Variants in CACNA1E observed in about 807,000 individuals in gnomAD.
CACNA1E encodes the protein voltage-dependent R-type calcium channel subunit alpha-1E.
CACNA1E carries 40 observed loss-of-function variants against 259.2 expected under a neutral mutation model. The ratio of observed to expected loss-of-function variants is 0.15; its 90% CI spans 0.12 to 0.20. The LOEUF is 0.20. Ranked by LOEUF, CACNA1E falls within the 10% of genes least tolerant of loss-of-function variation. The pLI, the probability that CACNA1E is intolerant of heterozygous loss-of-function variation, is 1.00. For missense variants in CACNA1E, 1,874 were observed against 3,040.1 expected, an observed-to-expected ratio of 0.62 and a Z score of 9.02; for synonymous variants, 1,104 against 1,138.5, an observed-to-expected ratio of 0.97 and a Z score of 0.61.
At chr1:181,782,087 A>T (rs1415998555) in intron 39 of CACNA1E, among the ~76,000 whole-genome samples, 2 of 152,248 alleles carry the variant, frequency 1.3e-5, no homozygotes, top group African/African-American at 4.8e-5. Flanking sequence ...TCTAGGTGTA[A>T]GAAGAAAAGA....
At chr1:181,784,975 C>T (rs1211764855) in intron 41 of CACNA1E, among the ~76,000 whole-genome samples, 1 of 152,166 alleles carries the variant, frequency 6.6e-6, no homozygotes, top group African/African-American at 2.4e-5. Context: ...TAGCTCTCTC[C>T]CTCCATATAA....
At chr1:181,602,517 G>T (rs374655165) in intron 6 of CACNA1E, among the ~76,000 whole-genome samples, 10 of 152,144 alleles carry the variant, frequency 6.6e-5, no homozygotes, top group East Asian at 5.8e-4. Flanking sequence ...TTTTGGATTT[G>T]GGATGCTCAA....
chr1:181,368,298 A>T (rs1654432846), intron 1 of CACNA1E, among the ~76,000 whole-genome samples: 1 of 151,940 alleles, frequency 6.6e-6, no homozygotes, highest in Non-Finnish European at 1.5e-5. Context: ...AAAAAAAAAA[A>T]ATACATCGCA....
intron 3 of CACNA1E, among the ~76,000 whole-genome samples, chr1:181,521,812 G>C (rs1667013788): frequency 6.6e-6 from 1 of 152,112 alleles, no homozygotes; most frequent in Admixed American, 6.5e-5. Flanking sequence ...GAGGGAAGGG[G>C]ACAGGATGAG....
intron 3 of CACNA1E, among the ~76,000 whole-genome samples, chr1:181,516,923 G>A (rs797013019): frequency 2.7e-5 from 4 of 149,500 alleles, no homozygotes; most frequent in African/African-American, 9.8e-5. Context: ...TAGACTCTGG[G>A]GAGGGGCAGG....
rs567832796 is a variant in CACNA1E at position 181,369,483 on chromosome 1, T to C, written c.-14-43650T>C. Among the ~76,000 whole-genome samples the C allele has an allele frequency of 3.7e-4, 56 of 152,320 alleles. 1 individual carries two copies. The highest frequency in any genetic ancestry group is 2.2e-3 in the Admixed American group (34 of 15,308). On this transcript the variant is annotated intron_variant, in intron 1 of 11. Transcript: ENST00000524607. ...CAAAAGGCAACATCACAGAGCTTTCTCTCGAGTGAATTTGTAGAATGAAAG... is the reference window on the plus strand; with the variant it reads ...CAAAAGGCAACATCACAGAGCTTTCCCTCGAGTGAATTTGTAGAATGAAAG...
Position 181,804,782 on chromosome 1 carries a change from A to C in CACNA1E, c.*5948A>C, listed in dbSNP as rs920217145. On this transcript the variant is annotated 3_prime_UTR_variant, in exon 48 of 48. Transcript: ENST00000367573. ...CTTCACTTGTTAGATCCCATGAAGT[A>C]CCTATGAAATTCTCAGCATTGCTAT... is the stretch of plus-strand genomic sequence containing the variant. 6.6e-6 allele frequency: 1 copy of C among 152,106 alleles called. No homozygotes were observed. The highest frequency in any genetic ancestry group is 6.5e-5 in the Admixed American group (1 of 15,276). 9.4% of individuals were successfully genotyped at this position (152,106 alleles called of 1,614,324 possible).
chr1:181,417,143 A>C lies in CACNA1E; in HGVS notation c.434+3563A>C, dbSNP rs73046143. Among the ~76,000 whole-genome samples, 1,092 of 151,986 alleles carry C rather than the reference A, an allele frequency of 7.2e-3. 12 individuals are homozygous for C. The highest frequency in any genetic ancestry group is 0.025 in the African/African-American group (1,053 of 41,418). On this transcript the variant is annotated intron_variant, in intron 2 of 11. Transcript: ENST00000524607. ...CTCCCTCTAGTGCTCAGTTCCCAAG[A>C]TTCTTTAATCTTACTGCATCCACAA...
Position 181,798,711 on chromosome 1 carries a change from G to A in CACNA1E, c.6819G>A (p.Arg2273=). Residue 2273 remains arginine, a synonymous_variant, in exon 48 of 48, where the codon CGG becomes CGA. Coordinates refer to ENST00000367573, the MANE Select transcript of CACNA1E (RefSeq NM_001205293.3). This position sits in a 1 kb window ranked among gnomAD's most constrained non-coding sequence, Gnocchi z 4.2. The stretch of plus-strand genomic sequence containing the variant: ...CCATCGGCTCAGCCCCACCCCTGCG[G>A]CATAGCTGGCAGATGCCCAACGGGC... ...SNTIGSAPPL[R]HSWQMPNGHY... is the part of the protein sequence containing the mutation. 2 of 1,608,548 alleles carry A rather than the reference G, an allele frequency of 1.2e-6. No homozygotes were observed. Among genetic ancestry groups the A allele is most frequent in the East Asian group, 2.2e-5 (1 of 44,730 alleles).
At chr1:181,494,794 C>G (rs920290155) in intron 1 of CACNA1E, among the ~76,000 whole-genome samples, 1 of 152,090 alleles carries the variant, frequency 6.6e-6, no homozygotes. Context: ...ATGTCATCTG[C>G]AGATTTATAA....
At chr1:181,738,018 G>A (rs905679393) in intron 23 of CACNA1E, among the ~76,000 whole-genome samples, 1 of 152,220 alleles carries the variant, frequency 6.6e-6, no homozygotes, top group African/African-American at 2.4e-5. Flanking sequence ...CAGGAGACAT[G>A]AGGGACGCGA....
chr1:181,802,838 G>A lies in CACNA1E; in HGVS notation c.*4004G>A, dbSNP rs1662374420. ...CATCCTACTTCTCAGCCCTCTGGAT[G>A]TTTCATTTTTTTGGACAAAGTGTTT... On this transcript the variant is annotated 3_prime_UTR_variant, in exon 48 of 48. Coordinates refer to ENST00000367573, the MANE Select transcript of CACNA1E (RefSeq NM_001205293.3). 1 of 152,158 alleles carries A rather than the reference G, an allele frequency of 6.6e-6. No individual in the cohort carries two copies. The allele number at this position is 152,158 out of a possible 1,614,324, so 9.4% of individuals were successfully genotyped here.
At position 181,793,781 on chromosome 1, in the gene CACNA1E, T is replaced by C. The variant is rs1256131268; in HGVS notation, c.6015T>C (p.Thr2005=). 6.2e-7 allele frequency: 1 copy of C among 1,611,488 alleles called. No homozygotes were observed. The highest frequency in any genetic ancestry group is 1.7e-5 in the Admixed American group (1 of 59,822). ...GGGCATCTTCTATGCCACGTCTGAC[T>C]GTGGATCCCCAGGTAAAAAGCAACC... ...SGRASSMPRL[T]VDPQVVTDPS... The change falls in exon 45 of 48, where the codon ACT becomes ACC. Residue 2005 remains threonine (T), a synonymous_variant. Coordinates refer to ENST00000367573, the MANE Select transcript of CACNA1E (RefSeq NM_001205293.3).
chr1:181,796,532 G>T (rs1572917767), intron 46 of CACNA1E, 136 bp from the exon 47 acceptor site: 4 of 561,464 alleles, frequency 7.1e-6, no homozygotes, highest in East Asian at 6.2e-5. Context: ...ATTTGAATTT[G>T]GGGGGGGACA....
intron 1 of CACNA1E, among the ~76,000 whole-genome samples, chr1:181,508,147 T>TGTG (rs1665867492): frequency 2.5e-4 from 37 of 148,852 alleles, no homozygotes; most frequent in Non-Finnish European, 4.3e-4. Flanking sequence ...CCCAAACGCC[T>TGTG]TGTGTGTGTG....
At chr1:181,423,996 G>A (rs1325663889) in intron 2 of CACNA1E, among the ~76,000 whole-genome samples, 1 of 152,168 alleles carries the variant, frequency 6.6e-6, no homozygotes, top group Non-Finnish European at 1.5e-5. Context: ...TGGTCCTGAA[G>A]GCACCTGAGT....
chr1:181,357,364 T>C (rs143902236), intron 1 of CACNA1E, among the ~76,000 whole-genome samples: 1 of 152,330 alleles, frequency 6.6e-6, no homozygotes, highest in East Asian at 1.9e-4. Flanking sequence ...ATATTCAAAC[T>C]ATGATTTATT....
chr1:181,341,062 C>T (rs1023044671), intron 1 of CACNA1E, among the ~76,000 whole-genome samples: 4 of 152,152 alleles, frequency 2.6e-5, no homozygotes, highest in African/African-American at 9.7e-5. Flanking sequence ...GAACTCAGGC[C>T]TCTTACCTTC....
intron 2 of CACNA1E, among the ~76,000 whole-genome samples, chr1:181,422,842 G>A (rs605849): frequency 0.61 from 92,357 of 152,008 alleles, 29,159 homozygotes; most frequent in African/African-American, 0.77. Flanking sequence ...GCAACTTCTT[G>A]TCTACCGAGA....
Sources: allele counts gnomAD v4.1 joint callset (sites outside exome capture counted in the v4.1 genomes callset), GRCh38; gene constraint gnomAD v4.1.1; non-coding constraint Gnocchi (gnomAD v3.1); transcripts MANE v1.5; gene names NCBI Gene and HGNC (gene_info 2026-07-23, HGNC 2026-07-21).